The following BNC2 variants were observed in gnomAD, a reference collection of about 807,000 sequenced individuals.
The protein encoded by BNC2 is basonuclin zinc finger protein 2.
In BNC2, 20 loss-of-function variants were observed where a neutral mutation model predicts 76.3. The observed-to-expected ratio is 0.26, with a 90% CI of 0.18 to 0.38. The LOEUF is 0.38. Among genes scored for constraint, BNC2 ranks in the 10% least tolerant of loss-of-function variants. The probability of loss-of-function intolerance (pLI) is 1.00; values close to 1 mark genes in which losing one functional copy is unlikely to be tolerated. For missense variants in BNC2, 1,382 were observed against 1,399.8 expected, an observed-to-expected ratio of 0.99 and a Z score of 0.20; for synonymous variants, 582 against 514.8, an observed-to-expected ratio of 1.13 and a Z score of -1.77.
chr9:16,812,098 C>A (rs1818069545), intron 1 of BNC2, among the ~76,000 whole-genome samples: 1 of 152,140 alleles, frequency 6.6e-6, no homozygotes, highest in Admixed American at 6.5e-5. Context: ...GGGAAGGAAC[C>A]CTTCAACTGG....
At chr9:16,770,517 C>T (rs1390664058) in intron 1 of BNC2, among the ~76,000 whole-genome samples, 1 of 152,140 alleles carries the variant, frequency 6.6e-6, no homozygotes, top group African/African-American at 2.4e-5. Flanking sequence ...AATACTGGAG[C>T]AACTACTTCC....
chr9:16,685,353 G>A (rs1165287929), intron 3 of BNC2, among the ~76,000 whole-genome samples: 6 of 152,210 alleles, frequency 3.9e-5, no homozygotes, highest in Admixed American at 6.5e-5. Context: ...TGACTGAACA[G>A]ACAAATGATC....
intron 5 of BNC2, among the ~76,000 whole-genome samples, chr9:16,527,756 A>T (rs1817854861): frequency 1.3e-5 from 2 of 152,208 alleles, no homozygotes; most frequent in Admixed American, 6.5e-5. Context: ...CATTACACGG[A>T]TGCCACAAAC....
chr9:16,439,130 T>A (rs533632102), intron 5 of BNC2, among the ~76,000 whole-genome samples: 1 of 152,298 alleles, frequency 6.6e-6, no homozygotes, highest in Non-Finnish European at 1.5e-5. Flanking sequence ...TCCTTTGCCT[T>A]CTGCCATGAT....
intron 3 of BNC2, among the ~76,000 whole-genome samples, chr9:16,703,773 G>A (rs1431646215): frequency 6.6e-6 from 1 of 152,074 alleles, no homozygotes; most frequent in African/African-American, 2.4e-5. Context: ...TTACTTTTCT[G>A]TGCTATATTC....
At chr9:16,492,116 G>A (rs1165528755) in intron 5 of BNC2, among the ~76,000 whole-genome samples, 1 of 151,872 alleles carries the variant, frequency 6.6e-6, no homozygotes, top group Non-Finnish European at 1.5e-5. Flanking sequence ...GCTTTAGGGA[G>A]TCCTGACAAT....
intron 1 of BNC2, among the ~76,000 whole-genome samples, chr9:16,822,263 T>C (rs1000634389): frequency 2.6e-5 from 4 of 152,144 alleles, no homozygotes; most frequent in Non-Finnish European, 5.9e-5. Context: ...CTCTACTATA[T>C]ATTAGGCTTC....
chr9:16,458,517 AC>A (rs1434954446), intron 5 of BNC2, among the ~76,000 whole-genome samples: 2 of 152,210 alleles, frequency 1.3e-5, no homozygotes, highest in Non-Finnish European at 2.9e-5. Flanking sequence ...AATATGATAT[AC>A]CCTACTTATT....
chr9:16,699,273 G>T, intron 3 of BNC2: 1 of 462,192 alleles, frequency 2.2e-6, no homozygotes, highest in South Asian at 1.6e-5. Context: ...GCATGCATGG[G>T]TTAGGAGGAG....
At chr9:16,471,466 G>A (rs1821823362) in intron 5 of BNC2, among the ~76,000 whole-genome samples, 1 of 151,954 alleles carries the variant, frequency 6.6e-6, no homozygotes, top group Non-Finnish European at 1.5e-5. Context: ...GCTGATTTTT[G>A]TAGTTTTAGT....
chr9:16,812,484 C>T (rs1818077268), intron 1 of BNC2, among the ~76,000 whole-genome samples: 1 of 152,180 alleles, frequency 6.6e-6, no homozygotes, highest in Non-Finnish European at 1.5e-5. Context: ...GAGATCATCC[C>T]CACAAACCTC....
intron 1 of BNC2, among the ~76,000 whole-genome samples, chr9:16,851,656 A>G (rs1819129887): frequency 6.6e-6 from 1 of 152,238 alleles, no homozygotes; most frequent in Non-Finnish European, 1.5e-5. Flanking sequence ...TGGTATGCAA[A>G]TTATTTCTCA....
In BNC2 at chr9:16,435,911, C is replaced by A; in HGVS notation, c.2283G>T (p.Glu761Asp). 6.2e-7 allele frequency: 1 copy of A among 1,614,028 alleles called. No homozygotes were observed. Among genetic ancestry groups the A allele is most frequent in the Non-Finnish European group, 8.5e-7 (1 of 1,179,974 alleles). Residue 761 changes from glutamate (E) to aspartate (D), a missense_variant, in exon 6 of 7, where the codon GAG becomes GAT. Glu to Asp is a conservative substitution (Grantham distance 45, BLOSUM62 2). Around this residue, in one of 3 missense-constraint regions of BNC2, gnomAD observed 798 missense variants for 775.5 expected, o/e 1.03. Coordinates refer to ENST00000380672, the MANE Select transcript of BNC2 (RefSeq NM_017637.6). Reference sequence around the variant, plus strand: ...CCTGGTGAGAGGGCTCACTGTGGTTCTCATCAGGCCTCTCACTATTCATCA... The same window carrying A: ...CCTGGTGAGAGGGCTCACTGTGGTTATCATCAGGCCTCTCACTATTCATCA... ...KVLMNSERPD[E>D]NHSEPSHQDV...
chr9:16,437,560 A>G (rs1279593945), intron 5 of BNC2, 36 bp from the exon 6 acceptor site: 1 of 1,602,298 alleles, frequency 6.2e-7, no homozygotes, highest in South Asian at 1.1e-5. Context: ...AAAGACAAAC[A>G]CAAAAACTTA....
At chr9:16,524,451 G>T (rs1449235203) in intron 5 of BNC2, among the ~76,000 whole-genome samples, 1 of 152,110 alleles carries the variant, frequency 6.6e-6, no homozygotes, top group East Asian at 1.9e-4. Context: ...AAATTTAGAA[G>T]GAAAGGGCCC....
chr9:16,456,888 T>C (rs1432852313), intron 5 of BNC2, among the ~76,000 whole-genome samples: 1 of 152,194 alleles, frequency 6.6e-6, no homozygotes. Context: ...TGTTAACTCA[T>C]AAAGAATTTC....
chr9:16,773,073 T>C (rs1421787250), intron 1 of BNC2, among the ~76,000 whole-genome samples: 2 of 152,176 alleles, frequency 1.3e-5, no homozygotes, highest in Non-Finnish European at 2.9e-5. Flanking sequence ...TCAAATATCT[T>C]CCCACTATTA....
chr9:16,794,211 GAT>G (rs1305727961), intron 1 of BNC2, among the ~76,000 whole-genome samples: 1 of 152,082 alleles, frequency 6.6e-6, no homozygotes, highest in Non-Finnish European at 1.5e-5. Flanking sequence ...TTCAAGCAGT[GAT>G]GTGTTTTTTA....
intron 5 of BNC2, among the ~76,000 whole-genome samples, chr9:16,535,830 A>T (rs1487609194): frequency 6.6e-6 from 1 of 152,180 alleles, no homozygotes; most frequent in Non-Finnish European, 1.5e-5. Context: ...GCAAGTAGAC[A>T]CTTTAGAAGT....
Sources: gnomAD v4.1 joint callset for allele counts (sites outside exome capture counted in the v4.1 genomes callset) on GRCh38, gnomAD v4.1.1 for gene constraint, gnomAD v4.1.1 regional missense constraint, MANE v1.5 for transcripts, NCBI Gene and HGNC (gene_info 2026-07-23, HGNC 2026-07-21) for gene names.